The following PIK3CD variants were observed in gnomAD, a reference collection of about 807,000 sequenced individuals.
PIK3CD encodes the protein phosphatidylinositol-4,5-bisphosphate 3-kinase catalytic subunit delta.
In PIK3CD, 20 loss-of-function variants were observed where a neutral mutation model predicts 122.9. That is an observed-to-expected ratio of 0.16 (90% CI 0.11 to 0.24). The LOEUF (loss-of-function observed/expected upper bound fraction) is 0.24, where lower values mean the gene tolerates loss of function less well. PIK3CD is among the 10% of genes least tolerant of loss of function. The pLI is 1.00. For missense variants in PIK3CD, 787 were observed against 1,406.3 expected, an observed-to-expected ratio of 0.56 and a Z score of 7.04; for synonymous variants, 596 against 593.4, an observed-to-expected ratio of 1.00 and a Z score of -0.06.
intron 2 of PIK3CD, among the ~76,000 whole-genome samples, chr1:9,707,357 C>CT (rs1557649386): frequency 7.9e-6 from 1 of 126,652 alleles, no homozygotes; most frequent in African/African-American, 2.9e-5. Context: ...TTACATTTTT[C>CT]TTTTTTTTAA....
chr1:9,654,479 T>TAGA (rs780350470), intron 1 of PIK3CD: 24 of 618,864 alleles, frequency 3.9e-5, no homozygotes, highest in South Asian at 2.1e-4. Flanking sequence ...CACCAATGGT[T>TAGA]GTGCGAAAGC....
the PIK3CD span, among the ~76,000 whole-genome samples, chr1:9,641,782 C>T: frequency 6.6e-6 from 1 of 152,098 alleles, no homozygotes; most frequent in Non-Finnish European, 1.5e-5. Context: ...AGCTCCTTTT[C>T]CCCAGGTATT....
In PIK3CD at chr1:9,720,400, C is replaced by T; in HGVS notation, c.1470+158C>T. 1 of 1,363,950 alleles carries T rather than the reference C, an allele frequency of 7.3e-7. No individual in the cohort carries two copies. Among genetic ancestry groups the T allele is most frequent in the Non-Finnish European group, 9.9e-7 (1 of 1,010,264 alleles). 84.5% of individuals were successfully genotyped at this position (1,363,950 alleles called of 1,614,324 possible). ...AGGGGCCATTTTGCCTGCAGGGATG[C>T]TGCGCAGTCTGATGACATTTTCGGT... On this transcript the variant is annotated intron_variant, in intron 11 of 23. Coordinates refer to ENST00000377346, the MANE Select transcript of PIK3CD (RefSeq NM_005026.5). This position sits in a 1 kb window ranked among gnomAD's most constrained non-coding sequence, Gnocchi z 9.0.
chr1:9,658,207 AC>A (rs1644912624), intron 1 of PIK3CD, among the ~76,000 whole-genome samples: 1 of 151,608 alleles, frequency 6.6e-6, no homozygotes, highest in Non-Finnish European at 1.5e-5. Flanking sequence ...ACATAGTAAG[AC>A]CCCCATCTCT....
the PIK3CD span, among the ~76,000 whole-genome samples, chr1:9,646,008 G>A: frequency 6.6e-6 from 1 of 151,948 alleles, no homozygotes; most frequent in Non-Finnish European, 1.5e-5. Flanking sequence ...CTGGCCTCAG[G>A]TGATCCGCCC....
chr1:9,673,272 T>A (rs372209634), intron 1 of PIK3CD, among the ~76,000 whole-genome samples: 3 of 151,916 alleles, frequency 2.0e-5, no homozygotes, highest in African/African-American at 7.3e-5. Flanking sequence ...ATTTTTTTAA[T>A]TTTTTGAAAC....
At chr1:9,690,031 G>T (rs1008667488) in intron 1 of PIK3CD, among the ~76,000 whole-genome samples, 1 of 152,182 alleles carries the variant, frequency 6.6e-6, no homozygotes, top group East Asian at 1.9e-4. Flanking sequence ...GATCCGTGAG[G>T]CCTCCAGCGG....
chr1:9,720,753 G>A lies in PIK3CD; in HGVS notation c.1533G>A (p.Leu511=), dbSNP rs550395550. ...VHVTEEEQLQ[L]REILERRGSG... is the part of the protein sequence containing the mutation. ...CCCACACCCCTCAGCAGCTGCAGCTGCGGGAAATCCTGGAGCGGCGGGGGT... is the reference window on the plus strand; with the variant it reads ...CCCACACCCCTCAGCAGCTGCAGCTACGGGAAATCCTGGAGCGGCGGGGGT... The change falls in exon 13 of 24, where the codon CTG becomes CTA. Residue 511 remains leucine (L), a synonymous_variant. Transcript: ENST00000377346. This position sits in a 1 kb window ranked among gnomAD's most constrained non-coding sequence, Gnocchi z 9.0. The A allele has an allele frequency of 9.3e-6, 15 of 1,612,904 alleles. No homozygotes were observed. Among genetic ancestry groups the A allele is most frequent in the South Asian group, 7.7e-5 (7 of 91,040 alleles).
chr1:9,632,487 G>C, the PIK3CD span, among the ~76,000 whole-genome samples: 2 of 152,136 alleles, frequency 1.3e-5, no homozygotes, highest in East Asian at 3.9e-4. Flanking sequence ...GTCATGCCCA[G>C]CTGCCCTCTG....
chr1:9,726,275 A>T (rs571402360), intron 23 of PIK3CD, among the ~76,000 whole-genome samples: 2 of 152,046 alleles, frequency 1.3e-5, no homozygotes, highest in Admixed American at 1.3e-4. Flanking sequence ...TTGGGAGGCC[A>T]AGGCGGGTGA....
At chr1:9,707,259 A>G (rs1259586584) in intron 2 of PIK3CD, among the ~76,000 whole-genome samples, 1 of 152,056 alleles carries the variant, frequency 6.6e-6, no homozygotes, top group African/African-American at 2.4e-5. Context: ...CATTAAAAGT[A>G]ACTAAGAAAA....
rs2100842031 is a variant in PIK3CD at position 9,715,699 on chromosome 1, C to A, written c.300C>A (p.Arg100=). The change falls in exon 4 of 24, where the codon CGC becomes CGA. Residue 100 remains arginine, a synonymous_variant. Transcript: ENST00000377346. This position sits in a 1 kb window ranked among gnomAD's most constrained non-coding sequence, Gnocchi z 4.1. ...TGCAGCCCTTCCTGCCCGTCCTGCGCCTGGTGGCCCGTGAGGGCGACCGCG... is the reference window on the plus strand; with the variant it reads ...TGCAGCCCTTCCTGCCCGTCCTGCGACTGGTGGCCCGTGAGGGCGACCGCG... ...CDVQPFLPVL[R]LVAREGDRVK... is the part of the protein sequence containing the mutation. 6.2e-7 allele frequency: 1 copy of A among 1,613,662 alleles called. No individual in the cohort carries two copies. The highest frequency in any genetic ancestry group is 1.3e-5 in the African/African-American group (1 of 75,086).
intron 1 of PIK3CD, among the ~76,000 whole-genome samples, chr1:9,671,401 T>G (rs759795013): frequency 2.3e-4 from 35 of 152,148 alleles, no homozygotes; most frequent in Non-Finnish European, 5.0e-4. Flanking sequence ...GCCTGGCCTG[T>G]CCGGGCTGCT....
At chr1:9,650,378 C>T (rs573214021), upstream of PIK3CD, among the ~76,000 whole-genome samples, 6 of 152,222 alleles carry the variant, frequency 3.9e-5, no homozygotes, top group South Asian at 2.1e-4. Context: ...GCCAAGATCA[C>T]GCCACTGCAC....
At chr1:9,648,594 C>G (rs1644628805), upstream of PIK3CD, among the ~76,000 whole-genome samples, 1 of 152,204 alleles carries the variant, frequency 6.6e-6, no homozygotes, top group African/African-American at 2.4e-5. Context: ...TCTTGGCATC[C>G]TTGAAACAGG....
At position 9,722,309 on chromosome 1, in the gene PIK3CD, A is replaced by C; in HGVS notation, c.2300A>C (p.Glu767Ala). 6.2e-7 allele frequency: 1 copy of C among 1,613,618 alleles called. No individual in the cohort carries two copies. Among genetic ancestry groups the C allele is most frequent in the Non-Finnish European group, 8.5e-7 (1 of 1,179,888 alleles). Reference sequence around the variant, plus strand: ...CTGTGGATCATGTACAGCAACGAGGAGGCAGGCAGCGGCGGCAGCGTGGGC... The same window carrying C: ...CTGTGGATCATGTACAGCAACGAGGCGGCAGGCAGCGGCGGCAGCGTGGGC... ...KPLWIMYSNE[E>A]AGSGGSVGII... The change falls in exon 18 of 24, where the codon GAG becomes GCG. Residue 767 changes from glutamate (E) to alanine (A), a missense_variant. Physicochemically the swap from Glu to Ala is moderately radical, Grantham distance 107 (BLOSUM62 -1). Coordinates refer to ENST00000377346, the MANE Select transcript of PIK3CD (RefSeq NM_005026.5). This position sits in a 1 kb window ranked among gnomAD's most constrained non-coding sequence, Gnocchi z 7.6.
intron 6 of PIK3CD, 114 bp from the exon 7 acceptor site, chr1:9,716,845 C>A: frequency 6.9e-7 from 1 of 1,459,122 alleles, no homozygotes; most frequent in Non-Finnish European, 9.6e-7. Context: ...GAAGCCCTCC[C>A]CTCTCCCAAG....
In PIK3CD at chr1:9,715,616, A is replaced by G. The variant is rs745980735; in HGVS notation, c.217A>G (p.Ile73Val). Residue 73 changes from isoleucine to valine, a missense_variant, in exon 4 of 24, where the codon ATC becomes GTC. This residue lies in a region of PIK3CD where 592 missense variants were observed against 920.6 expected (regional missense o/e 0.64). Transcript: ENST00000377346. The surrounding 1 kb of genome is among the most constrained non-coding windows in gnomAD (Gnocchi z 4.1). ...SGPEAYVFTC[I>V]NQTAEQQELE... The stretch of plus-strand genomic sequence containing the variant: ...CCCCGAGGCCTATGTGTTCACCTGC[A>G]TCAACCAGACAGCGGAGCAGCAAGA... 3.1e-6 allele frequency: 5 copies of G among 1,613,852 alleles called. No individual in the cohort carries two copies. Among genetic ancestry groups the G allele is most frequent in the Non-Finnish European group, 4.2e-6 (5 of 1,180,032 alleles).
At chr1:9,663,991 G>A (rs892271155) in intron 1 of PIK3CD, among the ~76,000 whole-genome samples, 1 of 151,440 alleles carries the variant, frequency 6.6e-6, no homozygotes, top group Admixed American at 6.6e-5. Context: ...CATTGATGAA[G>A]AGGTCCGACT....
Sources: gnomAD v4.1 joint callset for allele counts (sites outside exome capture counted in the v4.1 genomes callset) on GRCh38, gnomAD v4.1.1 for gene constraint, gnomAD v4.1.1 regional missense constraint, Gnocchi (gnomAD v3.1) non-coding constraint, MANE v1.5 for transcripts, NCBI Gene and HGNC (gene_info 2026-07-23, HGNC 2026-07-21) for gene names.